Variants in GPR137B observed in about 807,000 individuals in gnomAD.
GPR137B encodes the protein integral membrane protein GPR137B.
GPR137B carries 42 observed loss-of-function variants against 42.5 expected under a neutral mutation model. That is an observed-to-expected ratio of 0.99 (90% CI 0.77 to 1.28). The LOEUF (loss-of-function observed/expected upper bound fraction) is 1.28, where lower values mean the gene tolerates loss of function less well. Among genes scored for constraint, GPR137B ranks in the 50% most tolerant of loss-of-function variants. The pLI, the probability that GPR137B is intolerant of heterozygous loss-of-function variation, is 0.00. For synonymous variants in GPR137B, 218 were observed against 209.7 expected, an observed-to-expected ratio of 1.04 and a Z score of -0.34; for missense variants, 487 against 493.9, an observed-to-expected ratio of 0.99 and a Z score of 0.13.
At chr1:236,188,928 C>T (rs11586550) in intron 5 of GPR137B, among the ~76,000 whole-genome samples, 50,485 of 151,924 alleles carry the variant, frequency 0.33, 8,980 homozygotes, top group East Asian at 0.61. Context: ...TGGTAGAATT[C>T]GGCTGTGAAT....
chr1:236,182,751 A>T (rs1005546604), intron 4 of GPR137B, among the ~76,000 whole-genome samples: 1 of 151,974 alleles, frequency 6.6e-6, no homozygotes, highest in Non-Finnish European at 1.5e-5. Flanking sequence ...ACAAACAAAA[A>T]ATATATATAT....
At chr1:236,186,322 AT>A (rs1204962283) in intron 5 of GPR137B, among the ~76,000 whole-genome samples, 1 of 71,238 alleles carries the variant, frequency 1.4e-5, no homozygotes, top group East Asian at 5.2e-4. Context: ...AATAATATAA[AT>A]AATATATAAT....
chr1:236,174,636 A>T (rs746016822), intron 2 of GPR137B, among the ~76,000 whole-genome samples: 5 of 152,210 alleles, frequency 3.3e-5, no homozygotes, highest in Non-Finnish European at 2.9e-5. Flanking sequence ...AGAGTCTATG[A>T]AAAGCTATGG....
At chr1:236,167,699 G>A (rs1421113922) in intron 1 of GPR137B, among the ~76,000 whole-genome samples, 1 of 152,150 alleles carries the variant, frequency 6.6e-6, no homozygotes, top group African/African-American at 2.4e-5. Context: ...GGATCCATGT[G>A]CTCATGTGTA....
At chr1:236,158,994 C>A (rs1662110294) in intron 1 of GPR137B, among the ~76,000 whole-genome samples, 1 of 152,278 alleles carries the variant, frequency 6.6e-6, no homozygotes, top group East Asian at 1.9e-4. Context: ...GTCATACCCA[C>A]AAAGAATAGC....
intron 4 of GPR137B, among the ~76,000 whole-genome samples, chr1:236,180,869 G>A (rs554895417): frequency 2.6e-5 from 4 of 152,058 alleles, no homozygotes; most frequent in South Asian, 4.2e-4. Context: ...CACCTGCCTC[G>A]GCCTCCCACA....
chr1:236,151,564 C>G (rs915796270), intron 1 of GPR137B, among the ~76,000 whole-genome samples: 2 of 151,790 alleles, frequency 1.3e-5, no homozygotes, highest in South Asian at 4.2e-4. Flanking sequence ...GCTGGGACTA[C>G]AGGTGCCCGC....
Position 236,142,856 on chromosome 1 carries a change from G to C in GPR137B, c.234G>C (p.Gln78His). ...ACCGCCACAAGCGGCTCAGCTACCA[G>C]AGCGTCTTCCTCTTTCTCTGCCTCT... ...LRYRHKRLSYQSVFLFLCLFW... is the reference protein window; with the variant it reads ...LRYRHKRLSYHSVFLFLCLFW... The change falls in exon 1 of 7, where the codon CAG (glutamine) becomes CAC (histidine). Residue 78 changes from glutamine (Q) to histidine (H), a missense_variant. Physicochemically the swap from Gln to His is conservative, Grantham distance 24. Transcript: ENST00000366592. 3 of 1,614,222 alleles carry C rather than the reference G, an allele frequency of 1.9e-6. No individual in the cohort carries two copies. The highest frequency in any genetic ancestry group is 2.5e-6 in the Non-Finnish European group (3 of 1,180,038).
chr1:236,183,530 C>G (rs962547009), intron 4 of GPR137B, among the ~76,000 whole-genome samples: 1 of 151,970 alleles, frequency 6.6e-6, no homozygotes, highest in Non-Finnish European at 1.5e-5. Flanking sequence ...TTAAAAAATC[C>G]GTATCTGAGG....
chr1:236,204,675 G>A (rs1663601160), intron 5 of GPR137B, among the ~76,000 whole-genome samples: 1 of 151,848 alleles, frequency 6.6e-6, no homozygotes, highest in Non-Finnish European at 1.5e-5. Context: ...AGAAAAGCTG[G>A]GAGAAAACAT....
At chr1:236,143,896 G>A (rs769859954) in intron 1 of GPR137B, among the ~76,000 whole-genome samples, 1 of 152,122 alleles carries the variant, frequency 6.6e-6, no homozygotes, top group Non-Finnish European at 1.5e-5. Flanking sequence ...GTTTAATAAC[G>A]CGGTGCCGCC....
At chr1:236,144,236 G>A (rs1168493317) in intron 1 of GPR137B, among the ~76,000 whole-genome samples, 1 of 152,080 alleles carries the variant, frequency 6.6e-6, no homozygotes, top group Non-Finnish European at 1.5e-5. Flanking sequence ...GCAACATGGC[G>A]AAACTTCCTC....
intron 5 of GPR137B, among the ~76,000 whole-genome samples, chr1:236,194,519 C>T (rs1050237659): frequency 2.6e-5 from 4 of 152,114 alleles, no homozygotes; most frequent in Non-Finnish European, 5.9e-5. Flanking sequence ...TTTAGATAGC[C>T]GTCATGTGGC....
In GPR137B at chr1:236,183,922, T is replaced by G. The variant is rs1383891636; in HGVS notation, c.966+16T>G. The G allele has an allele frequency of 6.3e-7, 1 of 1,585,120 alleles. No individual in the cohort carries two copies. On this transcript the variant is annotated intron_variant, in intron 5 of 6. Coordinates refer to ENST00000366592, the MANE Select transcript of GPR137B (RefSeq NM_003272.4). Reference sequence around the variant, plus strand: ...AAAGGACCTTGTAAGTAAACCATTTTACATTTGTAAGAAAATGTCTCCTAA... The same window carrying G: ...AAAGGACCTTGTAAGTAAACCATTTGACATTTGTAAGAAAATGTCTCCTAA...
At chr1:236,204,583 C>T (rs891197038) in intron 5 of GPR137B, among the ~76,000 whole-genome samples, 1 of 151,824 alleles carries the variant, frequency 6.6e-6, no homozygotes, top group African/African-American at 2.4e-5. Context: ...CCTTTTTTCT[C>T]CTTGTTACTA....
chr1:236,203,763 A>G (rs569159527), intron 5 of GPR137B, among the ~76,000 whole-genome samples: 12 of 152,284 alleles, frequency 7.9e-5, no homozygotes, highest in Middle Eastern at 3.4e-3. Context: ...ATTTGTGGCT[A>G]TTATAAGTGG....
chr1:236,194,196 C>T (rs1036945036), intron 5 of GPR137B, among the ~76,000 whole-genome samples: 1 of 151,852 alleles, frequency 6.6e-6, no homozygotes, highest in South Asian at 2.1e-4. Flanking sequence ...TTGTTTTCAA[C>T]TTACAATGAG....
intron 4 of GPR137B, among the ~76,000 whole-genome samples, chr1:236,183,305 A>C (rs930015870): frequency 6.6e-6 from 1 of 152,250 alleles, no homozygotes; most frequent in Non-Finnish European, 1.5e-5. Context: ...GGATGAGACT[A>C]AGGGATAATA....
intron 4 of GPR137B, among the ~76,000 whole-genome samples, chr1:236,182,872 G>A (rs1023933278): frequency 1.3e-5 from 2 of 152,062 alleles, no homozygotes; most frequent in Admixed American, 6.6e-5. Context: ...TAATCTAGGA[G>A]CAAGCAAAAC....
Sources: allele counts gnomAD v4.1 joint callset (sites outside exome capture counted in the v4.1 genomes callset), GRCh38; gene constraint gnomAD v4.1.1; transcripts MANE v1.5; gene names NCBI Gene and HGNC (gene_info 2026-07-23, HGNC 2026-07-21).